Variants in LMLN observed in about 807,000 individuals in gnomAD.
LMLN encodes the protein leishmanolysin-like peptidase.
LMLN carries 70 observed loss-of-function variants against 92.3 expected under a neutral mutation model. The ratio of observed to expected loss-of-function variants is 0.76; its 90% confidence interval spans 0.63 to 0.92. The LOEUF (loss-of-function observed/expected upper bound fraction) is 0.92, where lower values mean the gene tolerates loss of function less well. Ranked by LOEUF, LMLN falls within the 40% of genes least tolerant of loss-of-function variation. LMLN has a pLI of 0.00. For missense variants in LMLN, 691 were observed against 814.6 expected, an observed-to-expected ratio of 0.85 and a Z score of 1.85; for synonymous variants, 308 against 296.2, an observed-to-expected ratio of 1.04 and a Z score of -0.41.
intron 12 of LMLN, among the ~76,000 whole-genome samples, chr3:198,020,775 T>G (rs950553434): frequency 1.6e-5 from 2 of 126,998 alleles, no homozygotes; most frequent in African/African-American, 6.2e-5. Context: ...TGTATTTTTT[T>G]TTTTTTTTTT....
At chr3:198,020,772 T>G (rs1722758499) in intron 12 of LMLN, among the ~76,000 whole-genome samples, 1 of 121,650 alleles carries the variant, frequency 8.2e-6, no homozygotes, top group African/African-American at 3.3e-5. Context: ...TTTTGTATTT[T>G]TTTTTTTTTT....
chr3:198,020,006 G>T (rs1230872254), intron 12 of LMLN, among the ~76,000 whole-genome samples: 1 of 152,130 alleles, frequency 6.6e-6, no homozygotes, highest in Non-Finnish European at 1.5e-5. Flanking sequence ...GTTTACAGCT[G>T]CAAGCCACCA....
At chr3:198,001,756 AG>A (rs1306944212) in intron 11 of LMLN, among the ~76,000 whole-genome samples, 4 of 152,182 alleles carry the variant, frequency 2.6e-5, no homozygotes, top group Admixed American at 6.6e-5. Flanking sequence ...TTTTGTAGCA[AG>A]GTGGTACAAG....
At chr3:197,984,675 C>G (rs1016465232) in intron 7 of LMLN, among the ~76,000 whole-genome samples, 35 of 151,820 alleles carry the variant, frequency 2.3e-4, no homozygotes, top group African/African-American at 7.7e-4. Flanking sequence ...TCTCAAACTC[C>G]TAGGCTCAAG....
At chr3:198,020,990 GTATAT>G (rs1192348720) in intron 12 of LMLN, among the ~76,000 whole-genome samples, 1 of 151,588 alleles carries the variant, frequency 6.6e-6, no homozygotes, top group Non-Finnish European at 1.5e-5. Flanking sequence ...GGTATTCAAA[GTATAT>G]TATATATATG....
At position 197,960,460 on chromosome 3, in the gene LMLN, A is replaced by C; in HGVS notation, c.219+20A>C. 6.2e-7 allele frequency: 1 copy of C among 1,608,168 alleles called. No homozygotes were observed. The highest frequency in any genetic ancestry group is 8.5e-7 in the Non-Finnish European group (1 of 1,175,616). ...ACTGAGGTAGGGCGACATGGGCGGG[A>C]GCGGGCCCTCTCAGGGTAAAGTCAC... is the stretch of plus-strand genomic sequence containing the variant. On this transcript the variant is annotated intron_variant, in intron 1 of 15. Coordinates refer to ENST00000330198, the Ensembl canonical transcript of LMLN.
intron 5 of LMLN, among the ~76,000 whole-genome samples, chr3:197,979,763 G>T (rs1721505687): frequency 6.6e-6 from 1 of 152,154 alleles, no homozygotes; most frequent in South Asian, 2.1e-4. Context: ...CAGCCTGGGT[G>T]ACAGAGTGAC....
chr3:197,980,069 T>G (rs1581139507), intron 5 of LMLN, among the ~76,000 whole-genome samples: 1 of 152,216 alleles, frequency 6.6e-6, no homozygotes, highest in East Asian at 1.9e-4. Context: ...TGGTTGGCCT[T>G]CCTTTGTAAA....
At chr3:198,011,280 C>A (rs1211117160) in intron 11 of LMLN, among the ~76,000 whole-genome samples, 1 of 150,022 alleles carries the variant, frequency 6.7e-6, no homozygotes, top group African/African-American at 2.5e-5. Flanking sequence ...TCACTCCCCC[C>A]ACCCCACAAC....
intron 11 of LMLN, among the ~76,000 whole-genome samples, chr3:198,015,164 C>G (rs1398017775): frequency 5.2e-5 from 7 of 134,848 alleles, no homozygotes; most frequent in Non-Finnish European, 8.1e-5. Flanking sequence ...TGACTTCTCT[C>G]CACCCTTCAG....
At chr3:197,990,206 G>T (rs1721826963) in intron 8 of LMLN, among the ~76,000 whole-genome samples, 1 of 152,060 alleles carries the variant, frequency 6.6e-6, no homozygotes, top group South Asian at 2.1e-4. Flanking sequence ...GGGACCACAG[G>T]CCTGCACTAC....
chr3:198,021,349 T>G, intron 12 of LMLN, 97 bp from the exon 14 acceptor site: 1 of 961,548 alleles, frequency 1.0e-6, no homozygotes, highest in South Asian at 1.5e-5. Context: ...TCTTGTGTTA[T>G]GTGGCATTAA....
At position 198,021,405 on chromosome 3, in the gene LMLN, A is replaced by G. The variant is rs373760492; in HGVS notation, c.1366-41A>G. ...GTGCACTTCCTCAATTTTATACAGAATGTTTCTTACTTTCTTGTCTTCCCA... is the reference window on the plus strand; with the variant it reads ...GTGCACTTCCTCAATTTTATACAGAGTGTTTCTTACTTTCTTGTCTTCCCA... On this transcript the variant is annotated intron_variant, in intron 12 of 15. Coordinates refer to ENST00000330198, the Ensembl canonical transcript of LMLN. 12 of 1,593,114 alleles carry G rather than the reference A, an allele frequency of 7.5e-6. No homozygotes were observed. The African/African-American group carries it at 1.6e-4, about 21-fold the overall frequency.
chr3:198,005,655 G>A lies in LMLN; in HGVS notation c.1232+6313G>A, dbSNP rs1238205766. 2.8e-5 allele frequency among the ~76,000 whole-genome samples: 4 copies of A among 140,720 alleles called. No individual in the cohort carries two copies. In the East Asian group the frequency reaches 8.3e-4, roughly 29 times the overall value. 92.3% of individuals were successfully genotyped at this position (140,720 alleles called of 152,430 possible). On this transcript the variant is annotated intron_variant, in intron 11 of 15. Transcript: ENST00000330198. ...TTCTTTTTCTTTTTTTTTTTTTTGA[G>A]ACAGAGTCTCACTCTGTTGCCCAGG...
chr3:198,027,472 G>A (rs1441209037), intron 14 of LMLN, among the ~76,000 whole-genome samples: 3 of 151,928 alleles, frequency 2.0e-5, no homozygotes, highest in African/African-American at 4.8e-5. Context: ...CATTGCCACC[G>A]AGCGTCTCAG....
intron 10 of LMLN, among the ~76,000 whole-genome samples, chr3:197,998,854 T>C (rs1722097211): frequency 6.6e-6 from 1 of 152,244 alleles, no homozygotes; most frequent in South Asian, 2.1e-4. Flanking sequence ...ATCACAGAGT[T>C]GAAGGTGAGG....
exon 16 of LMLN, chr3:198,038,811 T>C: frequency 1.5e-6 from 1 of 657,798 alleles, no homozygotes; most frequent in South Asian, 1.8e-5. Context: ...CCATCAGACC[T>C]TGAAGCAGAA....
chr3:197,992,393 AAG>A (rs1249539069), intron 9 of LMLN, among the ~76,000 whole-genome samples: 2 of 152,160 alleles, frequency 1.3e-5, no homozygotes, highest in Non-Finnish European at 2.9e-5. Context: ...GGACAGCTAA[AAG>A]TGACCAACCT....
At chr3:198,001,761 G>A (rs1392000817) in intron 11 of LMLN, among the ~76,000 whole-genome samples, 3 of 152,112 alleles carry the variant, frequency 2.0e-5, no homozygotes, top group Admixed American at 2.0e-4. Context: ...TAGCAAGGTG[G>A]TACAAGTGGA....
Sources: allele counts gnomAD v4.1 joint callset (sites outside exome capture counted in the v4.1 genomes callset), GRCh38; gene constraint gnomAD v4.1.1; transcripts MANE v1.5; gene names NCBI Gene and HGNC (gene_info 2026-07-23, HGNC 2026-07-21).